The following DNAH11 variants were observed in gnomAD, a reference collection of about 807,000 sequenced individuals.
DNAH11 encodes the protein dynein axonemal heavy chain 11.
DNAH11 carries 442 observed loss-of-function variants against 526.0 expected under a neutral mutation model. The ratio of observed to expected loss-of-function variants is 0.84; its 90% CI spans 0.78 to 0.91. The LOEUF (loss-of-function observed/expected upper bound fraction) is 0.91. Among genes scored for constraint, DNAH11 ranks in the 40% least tolerant of loss-of-function variants. The probability of loss-of-function intolerance (pLI) is 0.00; values close to 1 mark genes in which losing one functional copy is unlikely to be tolerated. For missense variants in DNAH11, 6,989 were observed against 5,448.7 expected (o/e 1.28, Z -8.90); for synonymous variants, 2,461 against 1,935.9 (o/e 1.27, Z -7.12).
intron 36 of DNAH11, among the ~76,000 whole-genome samples, chr7:21,699,080 CCTTT>C (rs1275549836): frequency 6.6e-6 from 1 of 151,836 alleles, no homozygotes. Flanking sequence ...ATGTTGCCTC[CCTTT>C]CTTCGTGAAA....
At chr7:21,781,474 A>C (rs1787938458) in intron 57 of DNAH11, among the ~76,000 whole-genome samples, 1 of 152,326 alleles carries the variant, frequency 6.6e-6, no homozygotes, top group East Asian at 1.9e-4. Flanking sequence ...TCTCAGCTCC[A>C]AATTCTAAAA....
At chr7:21,619,052 C>G (rs371793247) in intron 23 of DNAH11, 48 bp from the exon 24 acceptor site, 1 of 1,608,620 alleles carries the variant, frequency 6.2e-7, no homozygotes, top group Non-Finnish European at 8.5e-7. Flanking sequence ...CAAAAGGAAC[C>G]GTTCATATAT....
intron 65 of DNAH11, among the ~76,000 whole-genome samples, chr7:21,825,109 G>T (rs921348644): frequency 3.3e-5 from 5 of 152,082 alleles, no homozygotes; most frequent in African/African-American, 1.2e-4. Flanking sequence ...GACCTTAAAT[G>T]ATCTGCCCAC....
At position 21,615,237 on chromosome 7, in the gene DNAH11, C is replaced by T; in HGVS notation, c.3976C>T (p.Leu1326Phe). 7.4e-6 allele frequency: 12 copies of T among 1,613,338 alleles called. No homozygotes were observed. Among genetic ancestry groups the T allele is most frequent in the Non-Finnish European group, 1.0e-5 (12 of 1,179,530 alleles). The change falls in exon 21 of 82, where the codon CTC becomes TTC. Residue 1326 changes from leucine (L) to phenylalanine (F), a missense_variant. By Grantham distance (22) the Leu-to-Phe change is conservative. Transcript: ENST00000409508. ...ACAGTGTCGCAAAGAAATAAAATTGCTCAAGGGACTGTGGGATGTCATTAT... is the reference window on the plus strand; with the variant it reads ...ACAGTGTCGCAAAGAAATAAAATTGTTCAAGGGACTGTGGGATGTCATTAT... ...MKQCRKEIKLLKGLWDVIIYV... is the reference protein window; with the variant it reads ...MKQCRKEIKLFKGLWDVIIYV...
At chr7:21,673,834 G>A (rs1265781316) in intron 30 of DNAH11, among the ~76,000 whole-genome samples, 1 of 151,888 alleles carries the variant, frequency 6.6e-6, no homozygotes, top group Non-Finnish European at 1.5e-5. Flanking sequence ...CCACTTGATT[G>A]AGTCTATTTC....
At chr7:21,770,745 G>C (rs1052891477) in intron 55 of DNAH11, among the ~76,000 whole-genome samples, 1 of 152,136 alleles carries the variant, frequency 6.6e-6, no homozygotes, top group African/African-American at 2.4e-5. Context: ...AATTTTGTGG[G>C]CAGGAAGAAG....
At chr7:21,804,686 TCTC>T (rs1381468779) in intron 62 of DNAH11, among the ~76,000 whole-genome samples, 4 of 152,058 alleles carry the variant, frequency 2.6e-5, no homozygotes, top group Admixed American at 6.5e-5. Flanking sequence ...TCCTAGCACT[TCTC>T]ATTCTCTTCA....
At position 21,844,285 on chromosome 7, in the gene DNAH11, G is replaced by A. The variant is rs966134788; in HGVS notation, c.10896+1537G>A. On this transcript the variant is annotated intron_variant, in intron 66 of 81. Transcript: ENST00000409508. ...ACTAAAAATACAAAAAATTAGCCAA[G>A]TGTGGTGGTGTGCAACCGTAGCCGC... 3.9e-5 allele frequency among the ~76,000 whole-genome samples: 6 copies of A among 152,282 alleles called. No homozygotes were observed. The South Asian group carries it at 1.2e-3, about 32-fold the overall frequency.
At chr7:21,572,665 A>G (rs928682623) in intron 8 of DNAH11, among the ~76,000 whole-genome samples, 1 of 152,210 alleles carries the variant, frequency 6.6e-6, no homozygotes, top group South Asian at 2.1e-4. Flanking sequence ...TTTATTCACT[A>G]TTGTTTATAT....
chr7:21,840,202 G>C (rs570227367), intron 65 of DNAH11, among the ~76,000 whole-genome samples: 14 of 152,122 alleles, frequency 9.2e-5, no homozygotes, highest in Non-Finnish European at 1.5e-5. Context: ...GTGACATTTC[G>C]ATAAAAAGGA....
rs140530140 is a variant in DNAH11, at chr7:21,580,290, G to A, written c.1594-1615G>A. 6.7e-3 allele frequency among the ~76,000 whole-genome samples: 1,025 copies of A among 152,316 alleles called. 13 individuals carry two copies. The highest frequency in any genetic ancestry group is 0.022 in the African/African-American group (929 of 41,572). Reference sequence around the variant, plus strand: ...TATACTAAGAAGAGGGATGTTAGGCGTGTTAAAACTTGTTGGGAAGTTGTG... The same window carrying A: ...TATACTAAGAAGAGGGATGTTAGGCATGTTAAAACTTGTTGGGAAGTTGTG... On this transcript the variant is annotated intron_variant, in intron 8 of 81. Transcript: ENST00000409508.
At chr7:21,808,669 C>T (rs1456660916) in intron 63 of DNAH11, among the ~76,000 whole-genome samples, 1 of 152,212 alleles carries the variant, frequency 6.6e-6, no homozygotes, top group African/African-American at 2.4e-5. Flanking sequence ...TTCCACTTAA[C>T]ATAAAGTCCT....
In DNAH11 at chr7:21,559,762, G is replaced by A; in HGVS notation, c.852G>A (p.Arg284=). The change falls in exon 4 of 82, where the codon AGG becomes AGA. Residue 284 remains arginine, a synonymous_variant. Coordinates refer to ENST00000409508, the MANE Select transcript of DNAH11 (RefSeq NM_001277115.2). ...PQAELDFWMM[R]RENLSCIYDQ... ...CAGAACTAGATTTCTGGATGATGAGGAGAGAAAATCTGTCATGCATTTATG... is the reference window on the plus strand; with the variant it reads ...CAGAACTAGATTTCTGGATGATGAGAAGAGAAAATCTGTCATGCATTTATG... 3.7e-6 allele frequency: 6 copies of A among 1,605,144 alleles called. No individual in the cohort carries two copies. Among genetic ancestry groups the A allele is most frequent in the Non-Finnish European group, 5.1e-6 (6 of 1,175,264 alleles).
intron 30 of DNAH11, among the ~76,000 whole-genome samples, chr7:21,677,248 C>G (rs1307739426): frequency 6.6e-6 from 1 of 150,570 alleles, no homozygotes; most frequent in Non-Finnish European, 1.5e-5. Context: ...CTGTGGCAAC[C>G]CTATCTATGC....
intron 44 of DNAH11, among the ~76,000 whole-genome samples, chr7:21,722,783 T>C (rs1784930995): frequency 6.6e-6 from 1 of 152,182 alleles, no homozygotes; most frequent in Non-Finnish European, 1.5e-5. Flanking sequence ...GGAGGCCACA[T>C]GCAGACAGAA....
At chr7:21,695,792 G>C (rs567823607) in intron 35 of DNAH11, among the ~76,000 whole-genome samples, 22 of 152,248 alleles carry the variant, frequency 1.4e-4, no homozygotes, top group Non-Finnish European at 2.6e-4. Flanking sequence ...ACTGTCATCA[G>C]AGTGAACAAG....
Position 21,580,614 on chromosome 7 carries a change from G to C in DNAH11, c.1594-1291G>C, listed in dbSNP as rs1784272895. Among the ~76,000 whole-genome samples, 2 of 152,184 alleles carry C rather than the reference G, an allele frequency of 1.3e-5. 1 individual carries two copies. The highest frequency in any genetic ancestry group is 1.3e-4 in the Admixed American group (2 of 15,274). On this transcript the variant is annotated intron_variant, in intron 8 of 81. Coordinates refer to ENST00000409508, the MANE Select transcript of DNAH11 (RefSeq NM_001277115.2). Reference sequence around the variant, plus strand: ...CTCCCGCAGGTTCAGTGTCTGGGGAGGGCTACATCCCAGTTCACAGATGGC... The same window carrying C: ...CTCCCGCAGGTTCAGTGTCTGGGGACGGCTACATCCCAGTTCACAGATGGC...
intron 73 of DNAH11, among the ~76,000 whole-genome samples, chr7:21,871,225 C>G (rs76483443): frequency 0.026 from 3,891 of 152,250 alleles, 171 homozygotes; most frequent in African/African-American, 0.088. Flanking sequence ...CACATGCACA[C>G]CAGAAGGCTT....
chr7:21,554,910 A>G lies in DNAH11; in HGVS notation c.496-3892A>G, dbSNP rs536677405. Among the ~76,000 whole-genome samples the G allele has an allele frequency of 1.4e-4, 22 of 152,290 alleles. No individual in the cohort carries two copies. In the South Asian group the frequency reaches 4.1e-3, roughly 29 times the overall value. On this transcript the variant is annotated intron_variant, in intron 2 of 81. Coordinates refer to ENST00000409508, the MANE Select transcript of DNAH11 (RefSeq NM_001277115.2). Reference sequence around the variant, plus strand: ...TTTTCTCAAATTTGGATAAGGATTTAAAGGAGCAATTGGTTCGACTCTGCC... The same window carrying G: ...TTTTCTCAAATTTGGATAAGGATTTGAAGGAGCAATTGGTTCGACTCTGCC...
Sources: allele counts gnomAD v4.1 joint callset (sites outside exome capture counted in the v4.1 genomes callset), GRCh38; gene constraint gnomAD v4.1.1; transcripts MANE v1.5; gene names NCBI Gene and HGNC (gene_info 2026-07-23, HGNC 2026-07-21).